Variants in NCOR1 observed in about 807,000 individuals in gnomAD.
NCOR1 encodes the protein nuclear receptor corepressor 1.
In NCOR1, 63 loss-of-function variants were observed where a neutral mutation model predicts 288.1. The ratio of observed to expected loss-of-function variants is 0.22; its 90% CI spans 0.18 to 0.27. The LOEUF (loss-of-function observed/expected upper bound fraction) is 0.27, where lower values mean the gene tolerates loss of function less well. Ranked by LOEUF, NCOR1 falls within the 10% of genes least tolerant of loss-of-function variation. The probability of loss-of-function intolerance (pLI) is 1.00; values close to 1 mark genes in which losing one functional copy is unlikely to be tolerated. For missense variants in NCOR1, 2,397 were observed against 3,019.2 expected, an observed-to-expected ratio of 0.79 and a Z score of 4.83; for synonymous variants, 1,007 against 1,065.9, an observed-to-expected ratio of 0.94 and a Z score of 1.08.
chr17:16,072,691 A>C (rs551162655), intron 28 of NCOR1, among the ~76,000 whole-genome samples: 1 of 152,356 alleles, frequency 6.6e-6, no homozygotes, highest in South Asian at 2.1e-4. Flanking sequence ...GTTGCTGATA[A>C]ATATAAATCA....
At chr17:16,082,282 C>A (rs867876362) in intron 23 of NCOR1, among the ~76,000 whole-genome samples, 1 of 151,908 alleles carries the variant, frequency 6.6e-6, no homozygotes, top group Admixed American at 6.6e-5. Flanking sequence ...TTATAAGATA[C>A]GCAAAGAAAC....
chr17:16,152,043 G>A (rs1205579688), intron 7 of NCOR1, 45 bp from the exon 8 acceptor site: 4 of 1,278,560 alleles, frequency 3.1e-6, no homozygotes, highest in Admixed American at 4.6e-5. Flanking sequence ...TTGTACATAT[G>A]TCTATGAAGA....
rs190617671 is a variant in NCOR1 at position 16,093,233 on chromosome 17, G to A, written c.2821-1175C>T. The stretch of plus-strand genomic sequence containing the variant: ...CTCCATTTTAGACATGGAACCCCAG[G>A]TGCTTCAGCCAGAAACCTGGCAGCC... On this transcript the variant is annotated intron_variant, in intron 21 of 45. Transcript: ENST00000268712. 6.1e-4 allele frequency among the ~76,000 whole-genome samples: 93 copies of A among 152,202 alleles called. 1 individual carries two copies. The highest frequency in any genetic ancestry group is 1.5e-3 in the African/African-American group (62 of 41,532).
intron 3 of NCOR1, among the ~76,000 whole-genome samples, chr17:16,180,249 A>G (rs2085119654): frequency 6.6e-6 from 1 of 152,232 alleles, no homozygotes; most frequent in Admixed American, 6.5e-5. Context: ...TCACACCTGT[A>G]AGGATGGCTA....
chr17:16,046,862 C>G, intron 42 of NCOR1, 89 bp downstream of exon 42: 1 of 1,466,276 alleles, frequency 6.8e-7, no homozygotes, highest in Non-Finnish European at 9.3e-7. Context: ...AAAGAGCCTT[C>G]AAACTCAAGC....
intron 1 of NCOR1, among the ~76,000 whole-genome samples, chr17:16,207,907 T>C (rs1260370490): frequency 1.3e-5 from 2 of 151,986 alleles, no homozygotes; most frequent in Non-Finnish European, 2.9e-5. Context: ...TAAGTTAGGA[T>C]TCTTGACTTT....
chr17:16,143,503 C>T, intron 11 of NCOR1, 103 bp downstream of exon 11: 1 of 840,070 alleles, frequency 1.2e-6, no homozygotes, highest in Admixed American at 2.4e-5. Flanking sequence ...CTCTAGCACT[C>T]AATTAAGTTC....
chr17:16,210,359 G>A (rs2092003040), intron 1 of NCOR1, among the ~76,000 whole-genome samples: 1 of 152,140 alleles, frequency 6.6e-6, no homozygotes, highest in South Asian at 2.1e-4. Flanking sequence ...ACTCCAGCCT[G>A]GGCAACAAGA....
chr17:16,103,867 T>C (rs115477692), intron 19 of NCOR1, among the ~76,000 whole-genome samples: 150 of 152,246 alleles, frequency 9.9e-4, no homozygotes, highest in African/African-American at 3.4e-3. Context: ...AATACAAAAT[T>C]AGCCACATGT....
chr17:16,136,746 G>GCA, intron 14 of NCOR1, among the ~76,000 whole-genome samples: 1 of 148,970 alleles, frequency 6.7e-6, no homozygotes, highest in South Asian at 2.1e-4. Flanking sequence ...GGCGGAGGTT[G>GCA]CAGTGAGCCA....
chr17:16,108,884 T>C lies in NCOR1; in HGVS notation c.2084A>G (p.Asp695Gly). 1 of 1,602,252 alleles carries C rather than the reference T, an allele frequency of 6.2e-7. No homozygotes were observed. The highest frequency in any genetic ancestry group is 1.3e-5 in the African/African-American group (1 of 74,758). The change falls in exon 19 of 46, where the codon GAT becomes GGT. Residue 695 changes from aspartate (D) to glycine (G), a missense_variant. Coordinates refer to ENST00000268712, the MANE Select transcript of NCOR1 (RefSeq NM_006311.4). ...AGCGACACTTTCACATTGAGACACATCTCGCTCTTCACGAGGTTTTCGTGA... is the reference window on the plus strand; with the variant it reads ...AGCGACACTTTCACATTGAGACACACCTCGCTCTTCACGAGGTTTTCGTGA... ...KTSRKPREER[D>G]VSQCESVAST...
At chr17:16,103,845 G>A (rs1308860586) in intron 19 of NCOR1, among the ~76,000 whole-genome samples, 5 of 152,174 alleles carry the variant, frequency 3.3e-5, no homozygotes, top group Non-Finnish European at 7.3e-5. Flanking sequence ...GTGAAACCCC[G>A]TCTCTACTAA....
chr17:16,169,446 A>G (rs1159813600), intron 4 of NCOR1, among the ~76,000 whole-genome samples: 2 of 152,234 alleles, frequency 1.3e-5, no homozygotes, highest in Admixed American at 1.3e-4. Context: ...TAGGCTTAAC[A>G]TTTAACAAAA....
In NCOR1 at chr17:16,068,002, T is replaced by G; in HGVS notation, c.4633A>C (p.Ser1545Arg). 6.2e-7 allele frequency: 1 copy of G among 1,614,258 alleles called. No homozygotes were observed. Among genetic ancestry groups the G allele is most frequent in the South Asian group, 1.1e-5 (1 of 91,090 alleles). The stretch of plus-strand genomic sequence containing the variant: ...CCTCTGTGATGGGGATCAAACGGAC[T>G]GTGGCTCACGACAGGGTCCACCCCA... ...VPGVDPVVSH[S>R]PFDPHHRGST... is the part of the protein sequence containing the mutation. The change falls in exon 32 of 46, where the codon AGT becomes CGT. Residue 1545 changes from serine (S) to arginine (R), a missense_variant. By Grantham distance (110) the Ser-to-Arg change is moderately radical. This residue lies in a region of NCOR1 where 1,872 missense variants were observed against 2,187.8 expected (regional missense o/e 0.86). Coordinates refer to ENST00000268712, the MANE Select transcript of NCOR1 (RefSeq NM_006311.4).
At chr17:16,159,239 C>A (rs965391719) in intron 5 of NCOR1, among the ~76,000 whole-genome samples, 5 of 151,602 alleles carry the variant, frequency 3.3e-5, no homozygotes, top group Non-Finnish European at 7.4e-5. Flanking sequence ...CATGGAGAAA[C>A]CCCATCTCTA....
chr17:16,040,682 G>T (rs1470850168), intron 42 of NCOR1, 188 bp from the exon 43 acceptor site: 1 of 617,854 alleles, frequency 1.6e-6, no homozygotes, highest in Admixed American at 2.4e-5. Flanking sequence ...TCACTCTGTT[G>T]CCCAGGCTAT....
chr17:16,057,968 G>A lies in NCOR1; in HGVS notation c.6107C>T (p.Ala2036Val). ...PQQQLPPSSQ[A>V]EGMGQVPRTH... ...CCTGGGCACTTGCCCCATTCCCTCT[G>A]CCTGTGAAGAAGGGGGCAGCTGTTG... Residue 2036 changes from alanine (A) to valine (V), a missense_variant, in exon 39 of 46, where the codon GCA (alanine) becomes GTA (valine). By Grantham distance (64) the Ala-to-Val change is moderately conservative. Transcript: ENST00000268712. 1 of 1,614,166 alleles carries A rather than the reference G, an allele frequency of 6.2e-7. No individual in the cohort carries two copies. Among genetic ancestry groups the A allele is most frequent in the East Asian group, 2.2e-5 (1 of 44,888 alleles).
rs1567957883 is a variant in NCOR1, at chr17:16,092,672, TA to T, written c.2821-615del. ...TTATATATATATATATATATATATA[TA>T]TATATATATATATATATATATATTT... On this transcript the variant is annotated intron_variant, in intron 21 of 45. Transcript: ENST00000268712. Among the ~76,000 whole-genome samples the T allele has an allele frequency of 6.4e-4, 11 of 17,068 alleles. 2 individuals are homozygous for T. The highest frequency in any genetic ancestry group is 1.5e-3 in the African/African-American group (5 of 3,262). 11.2% of individuals were successfully genotyped at this position (17,068 alleles called of 152,430 possible).
chr17:16,034,404 C>T (rs1276804654), intron 45 of NCOR1, among the ~76,000 whole-genome samples: 1 of 151,926 alleles, frequency 6.6e-6, no homozygotes, highest in African/African-American at 2.4e-5. Flanking sequence ...GCCTGGGCAA[C>T]GTAGTGAGAC....
Sources: gnomAD v4.1 joint callset for allele counts (sites outside exome capture counted in the v4.1 genomes callset) on GRCh38, gnomAD v4.1.1 for gene constraint, gnomAD v4.1.1 regional missense constraint, MANE v1.5 for transcripts, NCBI Gene and HGNC (gene_info 2026-07-23, HGNC 2026-07-21) for gene names.